Variants in SPIN1 observed in about 807,000 individuals in gnomAD.
SPIN1 encodes spindlin 1.
In SPIN1, 3 loss-of-function variants were observed where a neutral mutation model predicts 26.0. That is an observed-to-expected ratio of 0.12 (90% CI 0.05 to 0.30). The LOEUF is 0.30. Ranked by LOEUF, SPIN1 falls within the 10% of genes least tolerant of loss-of-function variation. The pLI is 1.00. For missense variants in SPIN1, 126 were observed against 333.4 expected, an observed-to-expected ratio of 0.38 and a Z score of 4.84; for synonymous variants, 101 against 116.5, an observed-to-expected ratio of 0.87 and a Z score of 0.86.
intron 1 of SPIN1, among the ~76,000 whole-genome samples, chr9:88,417,860 G>C (rs150083463): frequency 8.9e-4 from 135 of 152,286 alleles, no homozygotes; most frequent in African/African-American, 3.2e-3. Flanking sequence ...TTTGTAATTT[G>C]CTAGAATCAC....
intron 1 of SPIN1, among the ~76,000 whole-genome samples, chr9:88,418,198 T>TA (rs2117989836): frequency 6.6e-6 from 1 of 152,308 alleles, no homozygotes; most frequent in Admixed American, 6.5e-5. Context: ...TCCAACCCTC[T>TA]AACCACTGGT....
At chr9:88,413,608 AC>A (rs1354138646) in intron 1 of SPIN1, among the ~76,000 whole-genome samples, 1 of 151,714 alleles carries the variant, frequency 6.6e-6, no homozygotes, top group African/African-American at 2.4e-5. Flanking sequence ...CAGACTCCTG[AC>A]CTCAAGCAAT....
chr9:88,454,065 C>G (rs896416007), intron 3 of SPIN1, among the ~76,000 whole-genome samples: 2 of 151,902 alleles, frequency 1.3e-5, no homozygotes, highest in Admixed American at 6.6e-5. Context: ...TCTGGAGTTA[C>G]GAAACAAGAA....
intron 3 of SPIN1, chr9:88,457,854 C>G (rs1828500843): frequency 1.0e-6 from 1 of 984,110 alleles, no homozygotes; most frequent in Non-Finnish European, 1.2e-6. Context: ...AAAAAGCAAC[C>G]AAAAAACCTT....
chr9:88,402,510 CTTT>C (rs201771271), intron 1 of SPIN1, among the ~76,000 whole-genome samples: 1 of 139,652 alleles, frequency 7.2e-6, no homozygotes, highest in Non-Finnish European at 1.6e-5. Context: ...ATGAGGTCAA[CTTT>C]TTTTTTTTTT....
intron 1 of SPIN1, among the ~76,000 whole-genome samples, chr9:88,417,566 G>A (rs999980672): frequency 6.6e-6 from 1 of 151,362 alleles, no homozygotes; most frequent in Non-Finnish European, 1.5e-5. Flanking sequence ...TCTGCCTCTC[G>A]GGTTCAAGCA....
chr9:88,462,803 G>A, intron 4 of SPIN1, 54 bp downstream of exon 4: 1 of 1,507,494 alleles, frequency 6.6e-7, no homozygotes, highest in Non-Finnish European at 8.9e-7. Flanking sequence ...ATATTGAACT[G>A]GATGCTTTTT....
At chr9:88,429,622 C>T (rs915233351) in intron 2 of SPIN1, among the ~76,000 whole-genome samples, 2 of 152,126 alleles carry the variant, frequency 1.3e-5, no homozygotes, top group African/African-American at 4.8e-5. Flanking sequence ...GTGCATCTAC[C>T]CCCCTCCAGG....
chr9:88,416,016 A>T (rs775277101), intron 1 of SPIN1, among the ~76,000 whole-genome samples: 1 of 151,148 alleles, frequency 6.6e-6, no homozygotes, highest in Non-Finnish European at 1.5e-5. Context: ...TTGGCCTTCC[A>T]AAGTGCTGCC....
chr9:88,468,484 A>G lies in SPIN1; in HGVS notation c.468A>G (p.Leu156=). 1 of 1,613,888 alleles carries G rather than the reference A, an allele frequency of 6.2e-7. No individual in the cohort carries two copies. Among genetic ancestry groups the G allele is most frequent in the South Asian group, 1.1e-5 (1 of 91,036 alleles). ...AAGATGAGTGGAGGGGAATGGTCTT[A>G]GCACGTGCACCTGTCATGAACACAT... The part of the protein sequence containing the change: ...GSKDEWRGMV[L]ARAPVMNTWF... Residue 156 remains leucine, a synonymous_variant, in exon 5 of 6, where the codon TTA becomes TTG. Transcript: ENST00000375859.
intron 2 of SPIN1, among the ~76,000 whole-genome samples, chr9:88,447,044 C>T (rs1828264193): frequency 1.3e-5 from 2 of 152,050 alleles, no homozygotes; most frequent in African/African-American, 4.8e-5. Context: ...TTCCGCTTTC[C>T]TATGTGTTAG....
intron 3 of SPIN1, among the ~76,000 whole-genome samples, chr9:88,461,506 A>G: frequency 6.6e-6 from 1 of 152,194 alleles, no homozygotes; most frequent in East Asian, 1.9e-4. Context: ...TTTAGAAAAT[A>G]TATAATTTTA....
intron 4 of SPIN1, among the ~76,000 whole-genome samples, chr9:88,465,495 G>C (rs1828650167): frequency 6.6e-6 from 1 of 152,142 alleles, no homozygotes; most frequent in African/African-American, 2.4e-5. Context: ...CATCCTGATG[G>C]GTGTGATACG....
At chr9:88,444,523 G>A (rs375198702) in intron 2 of SPIN1, among the ~76,000 whole-genome samples, 1 of 151,810 alleles carries the variant, frequency 6.6e-6, no homozygotes, top group African/African-American at 2.4e-5. Context: ...GATCACAGGC[G>A]TGAGCCACCG....
chr9:88,459,496 C>T (rs1314942323), intron 3 of SPIN1, among the ~76,000 whole-genome samples: 1 of 152,008 alleles, frequency 6.6e-6, no homozygotes, highest in African/African-American at 2.4e-5. Flanking sequence ...CTGAATTTAG[C>T]TCTTTGTCAT....
intron 1 of SPIN1, among the ~76,000 whole-genome samples, chr9:88,415,061 G>A (rs987339457): frequency 2.6e-5 from 4 of 151,936 alleles, no homozygotes; most frequent in South Asian, 2.1e-4. Flanking sequence ...ATGCCACCAC[G>A]CCTGGCTAAT....
At chr9:88,446,065 C>T in intron 2 of SPIN1, among the ~76,000 whole-genome samples, 1 of 152,118 alleles carries the variant, frequency 6.6e-6, no homozygotes, top group Middle Eastern at 3.4e-3. Flanking sequence ...GTTATATCAA[C>T]TGCTGAGAAA....
intron 1 of SPIN1, among the ~76,000 whole-genome samples, chr9:88,398,303 C>A (rs1332574631): frequency 6.6e-6 from 1 of 151,918 alleles, no homozygotes; most frequent in Non-Finnish European, 1.5e-5. Flanking sequence ...CCTCTTGGTG[C>A]TTATCAGAAT....
At chr9:88,402,020 T>C (rs1276479994) in intron 1 of SPIN1, among the ~76,000 whole-genome samples, 1 of 152,206 alleles carries the variant, frequency 6.6e-6, no homozygotes, top group East Asian at 1.9e-4. Context: ...AGATGGAGTC[T>C]CGCTCTGTTG....
Sources: gnomAD v4.1 joint callset for allele counts (sites outside exome capture counted in the v4.1 genomes callset) on GRCh38, gnomAD v4.1.1 for gene constraint, MANE v1.5 for transcripts, NCBI Gene and HGNC (gene_info 2026-07-23, HGNC 2026-07-21) for gene names.